PYGL: variants seen among roughly 807,000 people sequenced by gnomAD.
The protein encoded by PYGL is glycogen phosphorylase, liver form.
A neutral mutation model predicts 100.1 loss-of-function variants in PYGL; 90 were observed. The ratio of observed to expected loss-of-function variants is 0.90; its 90% CI spans 0.76 to 1.07. The LOEUF (loss-of-function observed/expected upper bound fraction) is 1.07. Ranked by LOEUF, PYGL falls within the 50% of genes least tolerant of loss-of-function variation. PYGL has a pLI of 0.00. For synonymous variants in PYGL, 373 were observed against 393.0 expected, an observed-to-expected ratio of 0.95 and a Z score of 0.60; for missense variants, 1,016 against 1,057.6, an observed-to-expected ratio of 0.96 and a Z score of 0.55.
At chr14:50,930,599 C>G (rs1456819462) in intron 4 of PYGL, among the ~76,000 whole-genome samples, 2 of 152,180 alleles carry the variant, frequency 1.3e-5, no homozygotes, top group Non-Finnish European at 1.5e-5. Context: ...TTTAGTTCCT[C>G]CCTTTTTTGG....
chr14:50,939,053 T>C (rs1224366641), intron 1 of PYGL, among the ~76,000 whole-genome samples: 1 of 152,186 alleles, frequency 6.6e-6, no homozygotes, highest in Admixed American at 6.5e-5. Context: ...TATTGATGGA[T>C]TGATTGAGAC....
intron 1 of PYGL, 83 bp from the exon 2 acceptor site, chr14:50,937,920 C>A: frequency 8.1e-7 from 1 of 1,233,512 alleles, no homozygotes; most frequent in South Asian, 1.2e-5. Context: ...TGTGTTAGGT[C>A]ACCAATAAGA....
intron 2 of PYGL, among the ~76,000 whole-genome samples, chr14:50,936,693 C>T (rs1057298678): frequency 1.3e-5 from 2 of 151,870 alleles, no homozygotes; most frequent in Admixed American, 6.6e-5. Flanking sequence ...CCTGTAATCC[C>T]AGCTACTCAG....
chr14:50,915,720 G>T, intron 10 of PYGL, 105 bp downstream of exon 10: 1 of 1,492,096 alleles, frequency 6.7e-7, no homozygotes, highest in Non-Finnish European at 9.1e-7. Context: ...TACTTTTGCT[G>T]TATCAATGAT....
At chr14:50,910,467 C>A (rs1347277777) in intron 16 of PYGL, among the ~76,000 whole-genome samples, 2 of 150,752 alleles carry the variant, frequency 1.3e-5, no homozygotes, top group African/African-American at 4.9e-5. Context: ...TTTTCTTTCT[C>A]TTTTTTGGTA....
intron 4 of PYGL, among the ~76,000 whole-genome samples, chr14:50,927,872 T>C (rs553682870): frequency 6.6e-6 from 1 of 152,322 alleles, no homozygotes; most frequent in Admixed American, 6.5e-5. Flanking sequence ...CTCTCTACCT[T>C]GCTTTCTTCC....
chr14:50,912,827 G>T (rs186359997), intron 13 of PYGL, among the ~76,000 whole-genome samples: 1,885 of 152,268 alleles, frequency 0.012, 41 homozygotes, highest in African/African-American at 0.044. Flanking sequence ...GGTGGCGGGC[G>T]CCTGTCATCC....
Position 50,920,972 on chromosome 14 carries a change from G to T in PYGL, c.756C>A (p.Asp252Glu), listed in dbSNP as rs1280935628. Residue 252 changes from aspartate to glutamate, a missense_variant, in exon 6 of 20, where the codon GAC (aspartate) becomes GAA (glutamate). Transcript: ENST00000216392. ...TGTACTCACAGTCTCTGAGGTTAAA[G>T]TCATTTGGTGCCCGAGCAGACCAGA... ...MRLWSARAPN[D>E]FNLRDFNVGD... 6.2e-7 allele frequency: 1 copy of T among 1,613,744 alleles called. No individual in the cohort carries two copies. The highest frequency in any genetic ancestry group is 8.5e-7 in the Non-Finnish European group (1 of 1,179,720).
Position 50,931,739 on chromosome 14 carries a change from T to G in PYGL, c.462A>C (p.Ala154=). The G allele has an allele frequency of 1.2e-6, 2 of 1,613,976 alleles. No individual in the cohort carries two copies. Among genetic ancestry groups the G allele is most frequent in the Non-Finnish European group, 1.7e-6 (2 of 1,179,912 alleles). ...CATACCGAATGCCGTATCCATAGGC[T>G]GCAAGTCCCAGGGTTGCCATGGAAT... The part of the protein sequence containing the change: ...FLDSMATLGL[A]AYGYGIRYEY... The change falls in exon 4 of 20, where the codon GCA becomes GCC. Residue 154 remains alanine (A), a synonymous_variant. Coordinates refer to ENST00000216392, the MANE Select transcript of PYGL (RefSeq NM_002863.5).
At chr14:50,930,598 T>C (rs2050593303) in intron 4 of PYGL, among the ~76,000 whole-genome samples, 1 of 152,178 alleles carries the variant, frequency 6.6e-6, no homozygotes, top group Non-Finnish European at 1.5e-5. Flanking sequence ...TTTTAGTTCC[T>C]CCCTTTTTTG....
intron 7 of PYGL, among the ~76,000 whole-genome samples, chr14:50,920,186 A>C (rs1019616650): frequency 6.6e-6 from 1 of 152,224 alleles, no homozygotes; most frequent in South Asian, 2.1e-4. Flanking sequence ...GAAAATATTC[A>C]GTGACTTCTG....
intron 7 of PYGL, among the ~76,000 whole-genome samples, chr14:50,919,576 A>T (rs191384554): frequency 6.6e-6 from 1 of 152,330 alleles, no homozygotes; most frequent in East Asian, 1.9e-4. Context: ...CAGCTTCATG[A>T]AAATGATTTT....
intron 5 of PYGL, chr14:50,923,102 C>T (rs1185998684): frequency 2.0e-5 from 3 of 152,240 alleles, no homozygotes; most frequent in Non-Finnish European, 4.4e-5. Context: ...TATATTACCT[C>T]TGCCCCCTAA....
chr14:50,937,647 C>A, intron 2 of PYGL, 89 bp downstream of exon 2: 47 of 1,271,368 alleles, frequency 3.7e-5, no homozygotes, highest in East Asian at 4.8e-5. Flanking sequence ...TCTTATTTTA[C>A]TTTATTTTTT....
chr14:50,941,676 C>T (rs1410317250), intron 1 of PYGL, among the ~76,000 whole-genome samples: 4 of 152,036 alleles, frequency 2.6e-5, no homozygotes, highest in Admixed American at 2.0e-4. Context: ...GTCAGGAGTT[C>T]GAGACCAGCC....
chr14:50,910,443 T>A (rs1399522220), intron 16 of PYGL, among the ~76,000 whole-genome samples: 1 of 152,140 alleles, frequency 6.6e-6, no homozygotes, highest in Non-Finnish European at 1.5e-5. Context: ...TAAAATATAT[T>A]GAAATTTCTC....
At chr14:50,920,234 T>C (rs1202816863) in intron 7 of PYGL, among the ~76,000 whole-genome samples, 1 of 152,214 alleles carries the variant, frequency 6.6e-6, no homozygotes, top group Non-Finnish European at 1.5e-5. Context: ...AAGGAGGCAG[T>C]GCTTCACCAG....
chr14:50,921,424 C>T (rs1417305931), intron 5 of PYGL: 1 of 219,086 alleles, frequency 4.6e-6, no homozygotes, highest in African/African-American at 2.3e-5. Flanking sequence ...GACGGAGTCT[C>T]ACTCTGTTGC....
chr14:50,942,962 G>A lies in PYGL; in HGVS notation c.243+1199C>T, dbSNP rs6572712. 3.0e-3 allele frequency among the ~76,000 whole-genome samples: 454 copies of A among 152,284 alleles called. 2 individuals carry two copies. Among genetic ancestry groups the A allele is most frequent in the African/African-American group, 0.01 (431 of 41,566 alleles). ...TACCTTGGTGGAGGCCTAGGTCTTT[G>A]GGGTGAAGAAGAGTTACTTTCCATT... On this transcript the variant is annotated intron_variant, in intron 1 of 19. Coordinates refer to ENST00000216392, the MANE Select transcript of PYGL (RefSeq NM_002863.5).
Sources: gnomAD v4.1 joint callset for allele counts (sites outside exome capture counted in the v4.1 genomes callset) on GRCh38, gnomAD v4.1.1 for gene constraint, MANE v1.5 for transcripts, NCBI Gene and HGNC (gene_info 2026-07-23, HGNC 2026-07-21) for gene names.